The following POU6F2 variants were observed in gnomAD, a reference collection of about 807,000 sequenced individuals.
The protein encoded by POU6F2 is POU class 6 homeobox 2.
A neutral mutation model predicts 71.3 loss-of-function variants in POU6F2; 31 were observed. The observed-to-expected ratio is 0.43, with a 90% CI of 0.33 to 0.59. The LOEUF is 0.59. POU6F2 is among the 20% of genes least tolerant of loss of function. The probability of loss-of-function intolerance (pLI) is 0.04; values close to 1 mark genes in which losing one functional copy is unlikely to be tolerated. For missense variants in POU6F2, 783 were observed against 856.8 expected (o/e 0.91, Z 1.07); for synonymous variants, 347 against 355.7 (o/e 0.98, Z 0.27).
chr7:39,159,426 A>G (rs1792942293), intron 2 of POU6F2, among the ~76,000 whole-genome samples: 1 of 152,232 alleles, frequency 6.6e-6, no homozygotes, highest in Admixed American at 6.5e-5. Flanking sequence ...GAGCACCTGA[A>G]TATATAATTA....
intron 5 of POU6F2, among the ~76,000 whole-genome samples, chr7:39,403,663 C>T (rs1279702670): frequency 6.6e-6 from 1 of 152,206 alleles, no homozygotes; most frequent in African/African-American, 2.4e-5. Flanking sequence ...GCAGTGCTAA[C>T]ATGATATGAC....
chr7:39,125,911 A>G (rs1792129548), intron 2 of POU6F2, among the ~76,000 whole-genome samples: 1 of 152,230 alleles, frequency 6.6e-6, no homozygotes, highest in Admixed American at 6.5e-5. Flanking sequence ...GAAGTGGGGC[A>G]TAAAGCAGCA....
In POU6F2 at chr7:39,179,090, T is replaced by TA. The variant is rs533513919; in HGVS notation, c.278-25143dup. Among the ~76,000 whole-genome samples, 279 of 152,336 alleles carry TA rather than the reference T, an allele frequency of 1.8e-3. 3 individuals are homozygous for TA. Among genetic ancestry groups the TA allele is most frequent in the African/African-American group, 6.4e-3 (265 of 41,584 alleles). On this transcript the variant is annotated intron_variant, in intron 2 of 9. Transcript: ENST00000518318. The stretch of plus-strand genomic sequence containing the variant: ...ACCTGGAGTTTAGATTCCATAAAGA[T>TA]AACATGATTGTATTCCACCTTATTA...
At chr7:39,108,788 A>C (rs1791746040) in intron 2 of POU6F2, among the ~76,000 whole-genome samples, 1 of 152,204 alleles carries the variant, frequency 6.6e-6, no homozygotes, top group Admixed American at 6.5e-5. Context: ...TATGTGGAGA[A>C]GTTTGTGTAT....
intron 1 of POU6F2, among the ~76,000 whole-genome samples, chr7:39,028,186 C>T (rs1789858754): frequency 6.6e-6 from 1 of 151,984 alleles, no homozygotes; most frequent in Non-Finnish European, 1.5e-5. Flanking sequence ...TTGCATATTA[C>T]ATATTCATTA....
At chr7:39,310,695 T>C (rs2128766872) in intron 4 of POU6F2, among the ~76,000 whole-genome samples, 1 of 152,314 alleles carries the variant, frequency 6.6e-6, no homozygotes, top group Admixed American at 6.5e-5. Flanking sequence ...AAGGCAGAAC[T>C]ATTGTCATCA....
At chr7:39,106,172 GA>G (rs1475239011) in intron 2 of POU6F2, among the ~76,000 whole-genome samples, 2 of 152,194 alleles carry the variant, frequency 1.3e-5, no homozygotes, top group Non-Finnish European at 2.9e-5. Context: ...TGATGATAAT[GA>G]TTGCATAGAC....
At chr7:39,379,092 G>C (rs1198233591) in intron 5 of POU6F2, among the ~76,000 whole-genome samples, 1 of 152,096 alleles carries the variant, frequency 6.6e-6, no homozygotes, top group Non-Finnish European at 1.5e-5. Context: ...GAAGTGAAGA[G>C]AGGAGCCAGG....
At chr7:39,308,115 G>A (rs569878257) in intron 4 of POU6F2, among the ~76,000 whole-genome samples, 1 of 152,270 alleles carries the variant, frequency 6.6e-6, no homozygotes, top group Admixed American at 6.5e-5. Context: ...CAAAGGGGTA[G>A]AAGGACTTTC....
intron 4 of POU6F2, among the ~76,000 whole-genome samples, chr7:39,218,667 C>G (rs1423651077): frequency 6.6e-6 from 1 of 152,002 alleles, no homozygotes; most frequent in Non-Finnish European, 1.5e-5. Context: ...TTGCAGGAAT[C>G]CAAGGAGAAG....
intron 6 of POU6F2, among the ~76,000 whole-genome samples, chr7:39,419,060 TACACATATATAC>T (rs1237539434): frequency 1.4e-5 from 2 of 145,674 alleles, no homozygotes. Context: ...TACACATATA[TACACATATATAC>T]ACACATATAT....
At chr7:39,148,557 ATGATAATGATGG>A (rs1472040112) in intron 2 of POU6F2, among the ~76,000 whole-genome samples, 1 of 150,156 alleles carries the variant, frequency 6.7e-6, no homozygotes, top group Non-Finnish European at 1.5e-5. Flanking sequence ...GATGATGATA[ATGATAATGATGG>A]TGATGATGAT....
intron 2 of POU6F2, among the ~76,000 whole-genome samples, chr7:39,149,978 C>T (rs1421386667): frequency 2.0e-5 from 3 of 151,920 alleles, no homozygotes; most frequent in Non-Finnish European, 2.9e-5. Flanking sequence ...CCCCGCCTCC[C>T]GGGTTCACGC....
intron 5 of POU6F2, among the ~76,000 whole-genome samples, chr7:39,368,186 T>C (rs1403441780): frequency 3.3e-5 from 5 of 152,212 alleles, no homozygotes; most frequent in African/African-American, 1.2e-4. Flanking sequence ...GGCAGAAAAC[T>C]AGGCCTCTTG....
rs373267441 is a variant in POU6F2, at chr7:39,123,423, C to A, written c.277+37392C>A. On this transcript the variant is annotated intron_variant, in intron 2 of 9. Coordinates refer to ENST00000518318, the MANE Select transcript of POU6F2 (RefSeq NM_001370959.1). ...TTCAGAAAGTTGGTGAGAAATAGAA[C>A]ATGTGTTTGATTAGATACTTGTGAA... Among the ~76,000 whole-genome samples, 15 of 152,270 alleles carry A rather than the reference C, an allele frequency of 9.9e-5. No homozygotes were observed. The South Asian group carries it at 3.1e-3, about 32-fold the overall frequency.
chr7:39,159,430 A>G (rs1045410055), intron 2 of POU6F2, among the ~76,000 whole-genome samples: 2 of 152,218 alleles, frequency 1.3e-5, no homozygotes, highest in East Asian at 1.9e-4. Flanking sequence ...ACCTGAATAT[A>G]TAATTAACCC....
At chr7:39,075,176 A>G (rs765256667) in intron 1 of POU6F2, among the ~76,000 whole-genome samples, 2 of 152,184 alleles carry the variant, frequency 1.3e-5, no homozygotes, top group Non-Finnish European at 2.9e-5. Context: ...TAATTGCCAC[A>G]TGACAGAAAA....
At chr7:39,224,844 C>T (rs1794432091) in intron 4 of POU6F2, among the ~76,000 whole-genome samples, 1 of 152,166 alleles carries the variant, frequency 6.6e-6, no homozygotes, top group African/African-American at 2.4e-5. Context: ...TGGAGGGCCC[C>T]TCAGCAGATG....
At chr7:39,181,434 C>G (rs1338527712) in intron 2 of POU6F2, among the ~76,000 whole-genome samples, 1 of 152,202 alleles carries the variant, frequency 6.6e-6, no homozygotes, top group African/African-American at 2.4e-5. Flanking sequence ...GGAGCCTAGG[C>G]TTATTCTGCA....
Sources: allele counts gnomAD v4.1 joint callset (sites outside exome capture counted in the v4.1 genomes callset), GRCh38; gene constraint gnomAD v4.1.1; transcripts MANE v1.5; gene names NCBI Gene and HGNC (gene_info 2026-07-23, HGNC 2026-07-21).